ATF7: variants seen among roughly 807,000 people sequenced by gnomAD.
ATF7 encodes cyclic AMP-dependent transcription factor ATF-7.
Under a neutral mutation model 50.4 loss-of-function variants are expected in ATF7, and 10 were observed. That is an observed-to-expected ratio of 0.20 (90% confidence interval 0.12 to 0.34). ATF7 has a LOEUF of 0.34. ATF7 is among the 10% of genes least tolerant of loss of function. The probability of loss-of-function intolerance (pLI) is 1.00; values close to 1 mark genes in which losing one functional copy is unlikely to be tolerated. For missense variants in ATF7, 465 were observed against 613.9 expected, an observed-to-expected ratio of 0.76 and a Z score of 2.56; for synonymous variants, 201 against 226.4, an observed-to-expected ratio of 0.89 and a Z score of 1.01.
At chr12:53,599,874 G>A (rs76711489) in intron 2 of ATF7, among the ~76,000 whole-genome samples, 1,625 of 151,924 alleles carry the variant, frequency 0.011, 32 homozygotes, top group African/African-American at 0.037. Flanking sequence ...AACTTCCTTC[G>A]TATTCCTTTC....
At chr12:53,610,096 C>A (rs976693180) in intron 1 of ATF7, among the ~76,000 whole-genome samples, 1 of 151,640 alleles carries the variant, frequency 6.6e-6, no homozygotes. Context: ...GGATTACAGG[C>A]GTGAGCCACC....
chr12:53,567,769 G>A (rs1941523650), intron 2 of ATF7, among the ~76,000 whole-genome samples: 1 of 151,966 alleles, frequency 6.6e-6, no homozygotes, highest in Non-Finnish European at 1.5e-5. Context: ...ACTTAGCTGG[G>A]GTACCATTAA....
intron 3 of ATF7, among the ~76,000 whole-genome samples, chr12:53,544,359 G>T (rs1335823101): frequency 6.6e-6 from 1 of 152,086 alleles, no homozygotes; most frequent in African/African-American, 2.4e-5. Flanking sequence ...GCTACTTCAG[G>T]GATTCATCTC....
chr12:53,618,528 A>G (rs1944236539), intron 1 of ATF7, among the ~76,000 whole-genome samples: 1 of 152,204 alleles, frequency 6.6e-6, no homozygotes, highest in African/African-American at 2.4e-5. Context: ...CATAAATTCA[A>G]CTGTCAGGTC....
At chr12:53,567,179 C>G (rs960888919) in intron 2 of ATF7, among the ~76,000 whole-genome samples, 2 of 152,196 alleles carry the variant, frequency 1.3e-5, no homozygotes, top group Non-Finnish European at 2.9e-5. Flanking sequence ...ATGGAATATA[C>G]AAGAAATTAT....
chr12:53,566,137 C>T (rs890447474), intron 2 of ATF7, among the ~76,000 whole-genome samples: 1 of 152,098 alleles, frequency 6.6e-6, no homozygotes, highest in Non-Finnish European at 1.5e-5. Flanking sequence ...TAGGTCCCTC[C>T]CACAATACAT....
rs199619535 is a variant in ATF7, at chr12:53,552,583, A to G, written c.103T>C (p.Leu35=). The G allele has an allele frequency of 1.8e-4, 285 of 1,613,902 alleles. 1 individual carries two copies. Among genetic ancestry groups the G allele is most frequent in the Middle Eastern group, 1.6e-3 (10 of 6,062 alleles). ...AVHKHKHEMT[L]KFGPARTDSV... ...TCAGTTCGGGCTGGGCCAAATTTCA[A>G]TGTCATCTCATGCTTGTGTTTATGA... Residue 35 remains leucine, a synonymous_variant, in exon 3 of 12, where the codon TTG becomes CTG. Coordinates refer to ENST00000420353, the MANE Select transcript of ATF7 (RefSeq NM_006856.3).
chr12:53,549,881 G>A (rs1050350533), intron 3 of ATF7, among the ~76,000 whole-genome samples: 2 of 152,038 alleles, frequency 1.3e-5, no homozygotes, highest in Admixed American at 6.6e-5. Context: ...AACATGCCCG[G>A]CTAATTTTGT....
At chr12:53,568,366 T>G (rs1264420060) in intron 2 of ATF7, among the ~76,000 whole-genome samples, 2 of 152,076 alleles carry the variant, frequency 1.3e-5, no homozygotes, top group African/African-American at 2.4e-5. Context: ...GTCTCTAAAC[T>G]TGGTTCAAGT....
chr12:53,555,490 A>ATTTTTTTT (rs543048867), intron 2 of ATF7, among the ~76,000 whole-genome samples: 1 of 100,740 alleles, frequency 9.9e-6, no homozygotes, highest in East Asian at 3.8e-4. Context: ...AAATAATATA[A>ATTTTTTTT]TTTTTTTTTT....
chr12:53,554,870 G>GAAAAAAAAAAA (rs61675595), intron 2 of ATF7, among the ~76,000 whole-genome samples: 23 of 75,988 alleles, frequency 3.0e-4, no homozygotes, highest in Admixed American at 7.0e-4. Flanking sequence ...CTCAAAAAAA[G>GAAAAAAAAAAA]AAAAAAAAAA....
rs1943378049 is a variant in ATF7 at position 53,601,007 on chromosome 12, T to C, written c.-7A>G. On this transcript the variant is annotated 5_prime_UTR_variant, in exon 2 of 12. It adds an upstream start codon to the 5' untranslated region. Transcript: ENST00000420353. ...ACGGTCTGTCGTCTCCCATATTTCA[T>C]ATAGCAGAGAGGAGCTGAGGAGGGG... 1.9e-6 allele frequency: 3 copies of C among 1,612,022 alleles called. No individual in the cohort carries two copies. The highest frequency in any genetic ancestry group is 2.5e-6 in the Non-Finnish European group (3 of 1,179,326).
At chr12:53,580,500 T>C (rs1942365071) in intron 2 of ATF7, among the ~76,000 whole-genome samples, 1 of 149,004 alleles carries the variant, frequency 6.7e-6, no homozygotes, top group South Asian at 2.1e-4. Context: ...CCATCTCTAC[T>C]AAAAATACAA....
At chr12:53,591,280 A>G (rs537785752) in intron 2 of ATF7, among the ~76,000 whole-genome samples, 16 of 152,288 alleles carry the variant, frequency 1.1e-4, no homozygotes, top group African/African-American at 3.9e-4. Context: ...TAAGCTGTAT[A>G]AAAAGGACAT....
intron 5 of ATF7, 70 bp from the exon 6 acceptor site, chr12:53,534,729 A>C: frequency 6.7e-7 from 1 of 1,498,584 alleles, no homozygotes; most frequent in East Asian, 2.3e-5. Context: ...ATAGATGGTA[A>C]AATCTAGTAC....
intron 2 of ATF7, among the ~76,000 whole-genome samples, chr12:53,574,200 A>G (rs1387222624): frequency 6.6e-6 from 1 of 152,220 alleles, no homozygotes; most frequent in Non-Finnish European, 1.5e-5. Context: ...GTAAGAACAG[A>G]TGGATAATAT....
intron 1 of ATF7, among the ~76,000 whole-genome samples, chr12:53,622,973 G>A (rs529202045): frequency 1.8e-4 from 28 of 152,248 alleles, no homozygotes; most frequent in African/African-American, 6.7e-4. Context: ...CTGTGATCAC[G>A]TCACTTGCAC....
rs144224437 is a variant in ATF7 at position 53,533,922 on chromosome 12, A to G, written c.560+580T>C. Reference sequence around the variant, plus strand: ...AGGGTGTGGTTTCCACACTGTAATGAACTTCTAATGTTTTAAGAGCTCTTT... The same window carrying G: ...AGGGTGTGGTTTCCACACTGTAATGGACTTCTAATGTTTTAAGAGCTCTTT... On this transcript the variant is annotated intron_variant, in intron 6 of 11. Coordinates refer to ENST00000420353, the MANE Select transcript of ATF7 (RefSeq NM_006856.3). Among the ~76,000 whole-genome samples, 265 of 152,354 alleles carry G rather than the reference A, an allele frequency of 1.7e-3. 2 individuals are homozygous for G. Among genetic ancestry groups the G allele is most frequent in the Non-Finnish European group, 3.0e-3 (205 of 68,034 alleles).
In ATF7 at chr12:53,516,075, C is replaced by T. The variant is rs969567030; in HGVS notation, c.*1062G>A. The T allele has an allele frequency of 5.3e-5, 8 of 151,850 alleles. No homozygotes were observed. The highest frequency in any genetic ancestry group is 2.1e-4 in the South Asian group (1 of 4,810). 9.4% of individuals were successfully genotyped at this position (151,850 alleles called of 1,614,324 possible). A position where few individuals can be genotyped will look rare whatever the true frequency, so the allele number is the denominator to read the frequency against. Reference sequence around the variant, plus strand: ...AGTAGTTACAGAAGAGAGACAGGGGCGGTAATGTTGATAGGGGAATGAAGA... The same window carrying T: ...AGTAGTTACAGAAGAGAGACAGGGGTGGTAATGTTGATAGGGGAATGAAGA... On this transcript the variant is annotated 3_prime_UTR_variant, in exon 12 of 12. Coordinates refer to ENST00000420353, the MANE Select transcript of ATF7 (RefSeq NM_006856.3).
Sources: gnomAD v4.1 joint callset for allele counts (sites outside exome capture counted in the v4.1 genomes callset) on GRCh38, gnomAD v4.1.1 for gene constraint, MANE v1.5 for transcripts, NCBI Gene and HGNC (gene_info 2026-07-23, HGNC 2026-07-21) for gene names.